Variants in ZFP90 observed in about 807,000 individuals in gnomAD.
ZFP90 encodes ZFP90 zinc finger protein, also known as zinc finger protein 90 homolog.
A neutral mutation model predicts 60.8 loss-of-function variants in ZFP90; 38 were observed. The ratio of observed to expected loss-of-function variants is 0.62; its 90% CI spans 0.48 to 0.82. The LOEUF (loss-of-function observed/expected upper bound fraction) is 0.82, where lower values mean the gene tolerates loss of function less well. ZFP90 is among the 40% of genes least tolerant of loss of function. The pLI is 0.00. For missense variants in ZFP90, 711 were observed against 759.1 expected, an observed-to-expected ratio of 0.94 and a Z score of 0.74; for synonymous variants, 287 against 264.8, an observed-to-expected ratio of 1.08 and a Z score of -0.82.
At chr16:68,546,001 C>G (rs1355870893) in intron 2 of ZFP90, among the ~76,000 whole-genome samples, 3 of 151,744 alleles carry the variant, frequency 2.0e-5, no homozygotes, top group Non-Finnish European at 4.4e-5. Context: ...ATAGTGAAAC[C>G]CCATCTCTAC....
upstream of ZFP90, among the ~76,000 whole-genome samples, chr16:68,536,254 G>A (rs886621740): frequency 5.9e-5 from 9 of 152,092 alleles, no homozygotes; most frequent in East Asian, 1.9e-4. Context: ...AAGTAGGAGC[G>A]GTGGTGAACG....
At chr16:68,545,954 T>G (rs1280534421) in intron 2 of ZFP90, among the ~76,000 whole-genome samples, 1 of 152,132 alleles carries the variant, frequency 6.6e-6, no homozygotes, top group Non-Finnish European at 1.5e-5. Context: ...ACAGGCGAAT[T>G]GCATGAGCCC....
chr16:68,536,908 C>T (rs2090964697), upstream of ZFP90, among the ~76,000 whole-genome samples: 1 of 152,176 alleles, frequency 6.6e-6, no homozygotes. Flanking sequence ...ATCCACACCC[C>T]TCATCACAAC....
intron 2 of ZFP90, among the ~76,000 whole-genome samples, chr16:68,548,263 CTT>C (rs1166503198): frequency 2.6e-5 from 4 of 152,042 alleles, no homozygotes; most frequent in Non-Finnish European, 5.9e-5. Context: ...CTTTTTCTGT[CTT>C]TTGAAAGAAT....
In ZFP90 at chr16:68,563,467, C is replaced by G. The variant is rs2152074459; in HGVS notation, c.680C>G (p.Thr227Ser). ...RKAFIHRSSL[T>S]KHEKTHKGEG... The stretch of plus-strand genomic sequence containing the variant: ...GCCTTTATTCATAGATCATCGCTTA[C>G]TAAACATGAGAAAACACATAAAGGA... The change falls in exon 5 of 5, where the codon ACT (threonine) becomes AGT (serine). Residue 227 changes from threonine to serine, a missense_variant. By Grantham distance (58) the Thr-to-Ser change is moderately conservative. Transcript: ENST00000563169. The G allele has an allele frequency of 6.2e-7, 1 of 1,614,108 alleles. No individual in the cohort carries two copies.
chr16:68,576,473 A>G (rs555977406), downstream of ZFP90, among the ~76,000 whole-genome samples: 84 of 152,284 alleles, frequency 5.5e-4, 2 homozygotes, highest in South Asian at 0.017. Flanking sequence ...CAGGCCGGGC[A>G]CGGTGGCTCA....
Position 68,566,451 on chromosome 16 carries a change from T to G in ZFP90, c.*1753T>G. 1.0e-6 allele frequency: 1 copy of G among 985,550 alleles called. No homozygotes were observed. Among genetic ancestry groups the G allele is most frequent in the Non-Finnish European group, 1.2e-6 (1 of 829,918 alleles). 61.1% of individuals were successfully genotyped at this position (985,550 alleles called of 1,614,324 possible). A position where few individuals can be genotyped will look rare whatever the true frequency, so the allele number is the denominator to read the frequency against. On this transcript the variant is annotated 3_prime_UTR_variant, in exon 5 of 5. Coordinates refer to ENST00000563169, the MANE Select transcript of ZFP90 (RefSeq NM_001305203.2). ...TGCCACATAGCAGGATTCATTGCCT[T>G]TCTCTCATCATGGATGGCATGCAGC...
chr16:68,574,945 G>T (rs1216854047), intron 2 of ZFP90, among the ~76,000 whole-genome samples: 1 of 77,884 alleles, frequency 1.3e-5, no homozygotes, highest in Non-Finnish European at 2.7e-5. Context: ...AAAAAAAAGT[G>T]GAAAAAAAAA....
downstream of ZFP90, chr16:68,567,241 A>G (rs1030336453): frequency 4.9e-6 from 4 of 820,124 alleles, no homozygotes; most frequent in African/African-American, 5.6e-5. Flanking sequence ...GTGAGTTAAT[A>G]GCTACCATTT....
At chr16:68,573,275 C>T in intron 2 of ZFP90, among the ~76,000 whole-genome samples, 1 of 152,226 alleles carries the variant, frequency 6.6e-6, no homozygotes, top group East Asian at 1.9e-4. Flanking sequence ...CTAGGCTGCC[C>T]TGCTGTGAAT....
chr16:68,554,068 G>A (rs966842866), intron 2 of ZFP90, among the ~76,000 whole-genome samples: 1 of 152,130 alleles, frequency 6.6e-6, no homozygotes, highest in East Asian at 1.9e-4. Context: ...GGGTGAGGGT[G>A]ACAGAAATAG....
chr16:68,557,757 A>G (rs193033084), intron 2 of ZFP90, among the ~76,000 whole-genome samples: 6 of 150,604 alleles, frequency 4.0e-5, no homozygotes, highest in African/African-American at 1.5e-4. Flanking sequence ...AAAGAAACCA[A>G]GAAGATAGCT....
chr16:68,568,250 T>A (rs2091549084), downstream of ZFP90, among the ~76,000 whole-genome samples: 3 of 152,236 alleles, frequency 2.0e-5, no homozygotes, highest in South Asian at 6.2e-4. Context: ...AATATAGTGA[T>A]ATAGTGTTTT....
At chr16:68,553,666 T>A (rs2091296468) in intron 2 of ZFP90, among the ~76,000 whole-genome samples, 1 of 152,196 alleles carries the variant, frequency 6.6e-6, no homozygotes, top group Admixed American at 6.5e-5. Flanking sequence ...TCACCCGGGC[T>A]AGAATGAAGT....
exon 3 of ZFP90, chr16:68,575,951 CTG>C (rs1406164232): frequency 6.9e-5 from 27 of 392,280 alleles, no homozygotes; most frequent in Non-Finnish European, 9.0e-6. Flanking sequence ...ACTGACAAAA[CTG>C]TGAGAATCAG....
intron 2 of ZFP90, among the ~76,000 whole-genome samples, chr16:68,573,136 C>T (rs2091576433): frequency 6.6e-6 from 1 of 152,232 alleles, no homozygotes; most frequent in Non-Finnish European, 1.5e-5. Flanking sequence ...GATGTATGTT[C>T]ACCCTGTACC....
chr16:68,549,136 C>G (rs1371003251), intron 2 of ZFP90, among the ~76,000 whole-genome samples: 1 of 152,128 alleles, frequency 6.6e-6, no homozygotes, highest in Non-Finnish European at 1.5e-5. Flanking sequence ...CCTGCTTCCT[C>G]TGGGGTGGTG....
intron 2 of ZFP90, among the ~76,000 whole-genome samples, chr16:68,551,053 CAG>C (rs1410034931): frequency 2.0e-5 from 3 of 152,150 alleles, no homozygotes; most frequent in African/African-American, 7.2e-5. Context: ...AATCTGGTAT[CAG>C]AGGCCACTTA....
In ZFP90 at chr16:68,565,037, A is replaced by G. The variant is rs952243203; in HGVS notation, c.*339A>G. 1 of 1,018,364 alleles carries G rather than the reference A, an allele frequency of 9.8e-7. No homozygotes were observed. The highest frequency in any genetic ancestry group is 1.2e-6 in the Non-Finnish European group (1 of 851,912). 63.1% of individuals were successfully genotyped at this position (1,018,364 alleles called of 1,614,324 possible). ...AATGTCAACAGCTTTTTTAAAAAGC[A>G]AATTCCTGCAGTAATGACCAAAACC... is the stretch of plus-strand genomic sequence containing the variant. On this transcript the variant is annotated 3_prime_UTR_variant, in exon 5 of 5. Transcript: ENST00000563169.
Sources: allele counts gnomAD v4.1 joint callset (sites outside exome capture counted in the v4.1 genomes callset), GRCh38; gene constraint gnomAD v4.1.1; transcripts MANE v1.5; gene names NCBI Gene and HGNC (gene_info 2026-07-23, HGNC 2026-07-21).